The following ANKS6 variants were observed in gnomAD, a reference collection of about 807,000 sequenced individuals.
ANKS6 encodes the protein ankyrin repeat and sterile alpha motif domain containing 6.
A neutral mutation model predicts 77.9 loss-of-function variants in ANKS6; 47 were observed. The observed-to-expected ratio is 0.60, with a 90% CI of 0.48 to 0.77. ANKS6 has a LOEUF of 0.77. Among genes scored for constraint, ANKS6 ranks in the 30% least tolerant of loss-of-function variants. ANKS6 has a pLI of 0.00. For synonymous variants in ANKS6, 488 were observed against 501.7 expected (o/e 0.97, Z 0.37); for missense variants, 1,150 against 1,159.1 (o/e 0.99, Z 0.11).
At position 98,732,986 on chromosome 9, in the gene ANKS6, GGGGCGTGCCC is replaced by G. The variant is rs1831283223; in HGVS notation, c.*3523_*3532del. On this transcript the variant is annotated 3_prime_UTR_variant, in exon 15 of 15. Transcript: ENST00000353234. ...AGGCCCCACTCCATCTCTCTCCTCT[GGGGCGTGCCC>G]AGGCTGAGCCTGAGCCATCATCGAT... is the stretch of plus-strand genomic sequence containing the variant. 1.0e-6 allele frequency: 1 copy of G among 1,004,582 alleles called. No homozygotes were observed. The highest frequency in any genetic ancestry group is 5.1e-5 in the Admixed American group (1 of 19,610). The allele number at this position is 1,004,582 out of a possible 1,614,324, so 62.2% of individuals were successfully genotyped here.
intron 13 of ANKS6, among the ~76,000 whole-genome samples, chr9:98,746,600 T>TA (rs894753168): frequency 6.6e-6 from 1 of 150,504 alleles, no homozygotes; most frequent in Non-Finnish European, 1.5e-5. Flanking sequence ...TTTTTTTTTT[T>TA]AGCATTCAAT....
At chr9:98,761,989 C>T (rs768762993) in intron 11 of ANKS6, among the ~76,000 whole-genome samples, 1 of 152,114 alleles carries the variant, frequency 6.6e-6, no homozygotes, top group Non-Finnish European at 1.5e-5. Flanking sequence ...GATCAAATTG[C>T]AGAGAATTGG....
At position 98,733,740 on chromosome 9, in the gene ANKS6, G is replaced by A; in HGVS notation, c.*2779C>T. On this transcript the variant is annotated 3_prime_UTR_variant, in exon 15 of 15. Transcript: ENST00000353234. Reference sequence around the variant, plus strand: ...GCTGGCATGCTGAAGGTTGTGAGAGGCCTGTAGCAAAGATGATCGTGTAGC... The same window carrying A: ...GCTGGCATGCTGAAGGTTGTGAGAGACCTGTAGCAAAGATGATCGTGTAGC... 1.0e-6 allele frequency: 1 copy of A among 985,526 alleles called. No individual in the cohort carries two copies. 61.0% of individuals were successfully genotyped at this position (985,526 alleles called of 1,614,324 possible).
At chr9:98,792,290 C>G (rs1564231472) in intron 1 of ANKS6, among the ~76,000 whole-genome samples, 1 of 152,164 alleles carries the variant, frequency 6.6e-6, no homozygotes, top group African/African-American at 2.4e-5. Context: ...CTCAACCAGG[C>G]TAGGTCAGTG....
chr9:98,768,129 C>G lies in ANKS6; in HGVS notation c.2094G>C (p.Pro698=), dbSNP rs368311212. The change falls in exon 11 of 15, where the codon CCG becomes CCC. Residue 698 remains proline (P), a synonymous_variant. Coordinates refer to ENST00000353234, the MANE Select transcript of ANKS6 (RefSeq NM_173551.5). ...SPVGPAPGSS[P]SELPASPAGG... ...CTGCAGGGGAGGCTGGAAGCTCAGA[C>G]GGGCTGGACCCCGGTGCTGGCCCCA... 1 of 1,612,986 alleles carries G rather than the reference C, an allele frequency of 6.2e-7. No individual in the cohort carries two copies. The highest frequency in any genetic ancestry group is 1.3e-5 in the African/African-American group (1 of 74,916).
chr9:98,757,915 G>A (rs1433074491), intron 11 of ANKS6, among the ~76,000 whole-genome samples: 4 of 151,610 alleles, frequency 2.6e-5, no homozygotes, highest in African/African-American at 4.8e-5. Flanking sequence ...GTGACAAAGC[G>A]AGACTCTGTC....
At chr9:98,776,671 G>C (rs898631743) in intron 8 of ANKS6, among the ~76,000 whole-genome samples, 18 of 152,174 alleles carry the variant, frequency 1.2e-4, no homozygotes, top group African/African-American at 4.1e-4. Context: ...AAAGTGCTGG[G>C]ATTACAGGCA....
chr9:98,751,084 C>T lies in ANKS6; in HGVS notation c.2339G>A (p.Gly780Glu), dbSNP rs947397586. The T allele has an allele frequency of 1.9e-6, 3 of 1,608,480 alleles. No homozygotes were observed. The highest frequency in any genetic ancestry group is 1.7e-6 in the Non-Finnish European group (2 of 1,178,252). Residue 780 changes from glycine (G) to glutamate (E), a missense_variant, in exon 13 of 15, where the codon GGA becomes GAA. Physicochemically the swap from Gly to Glu is moderately conservative, Grantham distance 98. Coordinates refer to ENST00000353234, the MANE Select transcript of ANKS6 (RefSeq NM_173551.5). ...GTITDEDELTGILKKLSLEKY... is the reference protein window; with the variant it reads ...GTITDEDELTEILKKLSLEKY... The stretch of plus-strand genomic sequence containing the variant: ...CTCAAGTGATAATTTCTTAAGGATT[C>T]CAGTCAGTTCATCTTCAAGATGGAA...
intron 11 of ANKS6, among the ~76,000 whole-genome samples, chr9:98,765,715 T>C (rs1343407588): frequency 6.6e-6 from 1 of 152,156 alleles, no homozygotes; most frequent in Non-Finnish European, 1.5e-5. Flanking sequence ...CTGGGAAGTA[T>C]TGGTGCACAC....
intron 5 of ANKS6, among the ~76,000 whole-genome samples, chr9:98,780,691 C>T (rs1023887774): frequency 5.9e-5 from 9 of 152,146 alleles, no homozygotes; most frequent in African/African-American, 1.4e-4. Context: ...CCTCTTTGTG[C>T]GTCTGTACAA....
chr9:98,732,583 G>A lies in ANKS6; in HGVS notation c.*3936C>T. ...GTCAGGGCAGAAGGGAGAGAAGAAA[G>A]AGAGATGAGAGATGAAAGGATTTAA... is the stretch of plus-strand genomic sequence containing the variant. On this transcript the variant is annotated 3_prime_UTR_variant, in exon 15 of 15. Transcript: ENST00000353234. 1 of 1,550,464 alleles carries A rather than the reference G, an allele frequency of 6.4e-7. No homozygotes were observed. The highest frequency in any genetic ancestry group is 8.7e-7 in the Non-Finnish European group (1 of 1,146,976).
At chr9:98,772,302 C>A (rs915387588) in intron 9 of ANKS6, among the ~76,000 whole-genome samples, 1 of 152,074 alleles carries the variant, frequency 6.6e-6, no homozygotes, top group African/African-American at 2.4e-5. Context: ...CCACGGAGGC[C>A]GAGACTGGAG....
In ANKS6 at chr9:98,736,612, T is replaced by C; in HGVS notation, c.2523A>G (p.Arg841=). The C allele has an allele frequency of 6.2e-7, 1 of 1,610,234 alleles. No homozygotes were observed. The highest frequency in any genetic ancestry group is 8.5e-7 in the Non-Finnish European group (1 of 1,178,088). The change falls in exon 15 of 15, where the codon AGA becomes AGG. Residue 841 remains arginine (R), a synonymous_variant. Transcript: ENST00000353234. ...TGTGAATGGTTTCCTGTAAAATTTG[T>C]CTCTCGCGTCCCTGTGGAGGAAATT... is the stretch of plus-strand genomic sequence containing the variant. ...SELNAGKGRE[R]QILQETIHNF...
intron 3 of ANKS6, 120 bp downstream of exon 3, chr9:98,784,712 C>A: frequency 1.0e-6 from 1 of 957,572 alleles, no homozygotes. Flanking sequence ...CACCAAACAC[C>A]AAAATGCCTG....
intron 14 of ANKS6, among the ~76,000 whole-genome samples, chr9:98,738,654 A>G (rs1399805893): frequency 6.6e-6 from 1 of 152,232 alleles, no homozygotes; most frequent in Non-Finnish European, 1.5e-5. Flanking sequence ...GTGGGAATAT[A>G]AACTAGTACC....
chr9:98,749,637 C>T (rs1235336040), intron 13 of ANKS6, among the ~76,000 whole-genome samples: 1 of 152,154 alleles, frequency 6.6e-6, no homozygotes, highest in Non-Finnish European at 1.5e-5. Flanking sequence ...TCTGTACACT[C>T]CAAGAAGGCA....
chr9:98,753,797 A>G (rs1298954231), intron 12 of ANKS6, among the ~76,000 whole-genome samples: 3 of 152,334 alleles, frequency 2.0e-5, no homozygotes, highest in Admixed American at 2.0e-4. Context: ...TGAGATATAC[A>G]CAACCTCAAG....
rs1831504614 is a variant in ANKS6 at position 98,736,436 on chromosome 9, G to A, written c.*83C>T. 1 of 1,480,762 alleles carries A rather than the reference G, an allele frequency of 6.8e-7. No homozygotes were observed. The highest frequency in any genetic ancestry group is 1.4e-5 in the South Asian group (1 of 71,244). 91.7% of individuals were successfully genotyped at this position (1,480,762 alleles called of 1,614,324 possible). ...CAACATGACTAAGGCACAGCAGTGT[G>A]ACGGGGGCAGGGCTGGGGCTGTGGC... On this transcript the variant is annotated 3_prime_UTR_variant, in exon 15 of 15. Coordinates refer to ENST00000353234, the MANE Select transcript of ANKS6 (RefSeq NM_173551.5).
intron 5 of ANKS6, 38 bp from the exon 6 acceptor site, chr9:98,780,375 GTC>G: frequency 6.5e-7 from 1 of 1,544,030 alleles, no homozygotes; most frequent in South Asian, 1.2e-5. Flanking sequence ...CTGCAAATAT[GTC>G]TGTTGGGCCA....
Sources: allele counts gnomAD v4.1 joint callset (sites outside exome capture counted in the v4.1 genomes callset), GRCh38; gene constraint gnomAD v4.1.1; transcripts MANE v1.5; gene names NCBI Gene and HGNC (gene_info 2026-07-23, HGNC 2026-07-21).